RSRC1: variants seen among roughly 807,000 people sequenced by gnomAD.
The protein encoded by RSRC1 is arginine and serine rich coiled-coil 1, also known as serine/Arginine-related protein 53.
A neutral mutation model predicts 49.1 loss-of-function variants in RSRC1; 39 were observed. The ratio of observed to expected loss-of-function variants is 0.79; its 90% CI spans 0.61 to 1.04. The LOEUF is 1.04. Among genes scored for constraint, RSRC1 ranks in the 50% least tolerant of loss-of-function variants. The pLI is 0.00. For synonymous variants in RSRC1, 143 were observed against 130.8 expected (o/e 1.09, Z -0.63); for missense variants, 388 against 402.4 (o/e 0.96, Z 0.31).
intron 7 of RSRC1, among the ~76,000 whole-genome samples, chr3:158,515,936 G>T (rs12491784): frequency 6.6e-6 from 1 of 150,758 alleles, no homozygotes; most frequent in African/African-American, 2.4e-5. Flanking sequence ...TCGAGCCTTG[G>T]TTTTCAGCTC....
At chr3:158,436,356 A>G (rs1423790678) in intron 6 of RSRC1, among the ~76,000 whole-genome samples, 1 of 151,902 alleles carries the variant, frequency 6.6e-6, no homozygotes, top group Middle Eastern at 3.2e-3. Flanking sequence ...TAAAGCAAGT[A>G]TGAACTACAG....
At chr3:158,414,287 G>A (rs1300285168) in intron 6 of RSRC1, among the ~76,000 whole-genome samples, 1 of 151,976 alleles carries the variant, frequency 6.6e-6, no homozygotes, top group East Asian at 1.9e-4. Flanking sequence ...ATCCTCAGCA[G>A]ACTAACACAG....
intron 3 of RSRC1, among the ~76,000 whole-genome samples, chr3:158,198,700 A>G (rs1720819564): frequency 6.6e-6 from 1 of 152,026 alleles, no homozygotes; most frequent in Admixed American, 6.6e-5. Context: ...CTCCCCAGTG[A>G]GATGAACTTG....
At chr3:158,529,599 ATTAC>A (rs1560077091) in intron 7 of RSRC1, among the ~76,000 whole-genome samples, 1 of 152,032 alleles carries the variant, frequency 6.6e-6, no homozygotes, top group Non-Finnish European at 1.5e-5. Context: ...TGCTGTTACT[ATTAC>A]TTACTTCTGC....
chr3:158,134,900 C>CTTAAGATGT (rs1716269052), intron 3 of RSRC1, among the ~76,000 whole-genome samples: 1 of 152,124 alleles, frequency 6.6e-6, no homozygotes, highest in South Asian at 2.1e-4. Context: ...AAGTACTTAA[C>CTTAAGATGT]ACTATAGCAC....
intron 1 of RSRC1, among the ~76,000 whole-genome samples, chr3:158,118,462 T>TGCGTGC (rs1715019801): frequency 1.6e-5 from 2 of 124,682 alleles, no homozygotes; most frequent in African/African-American, 3.3e-5. Flanking sequence ...TGTGTGTGTG[T>TGCGTGC]GCGCGTGCGC....
chr3:158,319,279 G>A (rs966004623), intron 5 of RSRC1, among the ~76,000 whole-genome samples: 2 of 152,086 alleles, frequency 1.3e-5, no homozygotes, highest in South Asian at 2.1e-4. Context: ...GATAGTTTAA[G>A]AGTGGCACTT....
chr3:158,387,272 C>T (rs1191905233), intron 6 of RSRC1, among the ~76,000 whole-genome samples: 1 of 152,112 alleles, frequency 6.6e-6, no homozygotes, highest in Non-Finnish European at 1.5e-5. Context: ...AGAGAAGTTT[C>T]CTATCTCCCT....
intron 6 of RSRC1, among the ~76,000 whole-genome samples, chr3:158,361,312 G>A (rs1731457718): frequency 6.6e-6 from 1 of 152,186 alleles, no homozygotes; most frequent in Non-Finnish European, 1.5e-5. Flanking sequence ...CCAAAGCATG[G>A]CCTCAGCTCC....
At chr3:158,475,361 T>C (rs1738321207) in intron 7 of RSRC1, among the ~76,000 whole-genome samples, 1 of 152,166 alleles carries the variant, frequency 6.6e-6, no homozygotes, top group Non-Finnish European at 1.5e-5. Context: ...AGATAATGAA[T>C]AAACAAACAA....
intron 3 of RSRC1, among the ~76,000 whole-genome samples, chr3:158,144,379 G>A (rs192858513): frequency 9.9e-4 from 151 of 151,816 alleles, no homozygotes; most frequent in African/African-American, 3.4e-3. Context: ...GTGAGAACAT[G>A]CAGTGTTTGG....
intron 7 of RSRC1, among the ~76,000 whole-genome samples, chr3:158,524,768 A>G (rs1711906270): frequency 6.6e-6 from 1 of 152,068 alleles, no homozygotes; most frequent in East Asian, 1.9e-4. Context: ...AATTTTCAAC[A>G]AAACTACCAA....
chr3:158,209,020 T>C (rs1475827391), intron 4 of RSRC1, among the ~76,000 whole-genome samples: 2 of 152,196 alleles, frequency 1.3e-5, no homozygotes, highest in African/African-American at 2.4e-5. Flanking sequence ...AAGTAGCCAC[T>C]AGTGATGTTC....
rs1485762587 is a variant in RSRC1 at position 158,477,798 on chromosome 3, T to TTTTATATATATATATATATATA, written c.652+16796_652+16797insTTATATATATATATATATATAT. ...TGATGGGATAGGTTGCGGGAGGGAT[T>TTTTATATATATATATATATATA]TATATATATATATATATATATATAT... On this transcript the variant is annotated intron_variant, in intron 7 of 9. Coordinates refer to ENST00000611884, the MANE Select transcript of RSRC1 (RefSeq NM_001271838.2). Among the ~76,000 whole-genome samples the TTTTATATATATATATATATATA allele has an allele frequency of 8.3e-3, 741 of 89,632 alleles. 55 individuals are homozygous for TTTTATATATATATATATATATA. The highest frequency in any genetic ancestry group is 0.011 in the African/African-American group (239 of 21,616). The allele number at this position is 89,632 out of a possible 152,430, so 58.8% of individuals were successfully genotyped here.
chr3:158,273,760 G>A (rs1394463139), intron 4 of RSRC1, among the ~76,000 whole-genome samples: 1 of 152,082 alleles, frequency 6.6e-6, no homozygotes, highest in Non-Finnish European at 1.5e-5. Flanking sequence ...TAATCTTGGA[G>A]GGAAAATATG....
intron 7 of RSRC1, among the ~76,000 whole-genome samples, chr3:158,504,760 T>A (rs905464778): frequency 5.3e-5 from 8 of 152,192 alleles, no homozygotes; most frequent in Admixed American, 3.3e-4. Flanking sequence ...AAATACAAAA[T>A]CTTGATTATT....
At chr3:158,444,553 C>A (rs1056207493) in intron 6 of RSRC1, among the ~76,000 whole-genome samples, 1 of 152,104 alleles carries the variant, frequency 6.6e-6, no homozygotes, top group South Asian at 2.1e-4. Flanking sequence ...ACCATAAAAA[C>A]CCTAGAAGAA....
At chr3:158,491,868 A>G (rs926087495) in intron 7 of RSRC1, among the ~76,000 whole-genome samples, 1 of 152,180 alleles carries the variant, frequency 6.6e-6, no homozygotes, top group African/African-American at 2.4e-5. Context: ...ATAAAATATG[A>G]AAAGGAAGGT....
intron 3 of RSRC1, among the ~76,000 whole-genome samples, chr3:158,178,930 A>G (rs1379407973): frequency 6.6e-6 from 1 of 151,986 alleles, no homozygotes; most frequent in Non-Finnish European, 1.5e-5. Context: ...GTCATTTGTT[A>G]TATTTACTTA....
Sources: gnomAD v4.1 joint callset for allele counts (sites outside exome capture counted in the v4.1 genomes callset) on GRCh38, gnomAD v4.1.1 for gene constraint, MANE v1.5 for transcripts, NCBI Gene and HGNC (gene_info 2026-07-23, HGNC 2026-07-21) for gene names.